Variants in ANTXR1 observed in about 807,000 individuals in gnomAD.
ANTXR1 encodes the protein ANTXR cell adhesion molecule 1, also known as anthrax toxin receptor 1.
In ANTXR1, 19 loss-of-function variants were observed where a neutral mutation model predicts 78.1. The ratio of observed to expected loss-of-function variants is 0.24; its 90% CI spans 0.17 to 0.36. The LOEUF (loss-of-function observed/expected upper bound fraction) is 0.36, where lower values mean the gene tolerates loss of function less well. Ranked by LOEUF, ANTXR1 falls within the 10% of genes least tolerant of loss-of-function variation. ANTXR1 has a pLI of 1.00. For missense variants in ANTXR1, 518 were observed against 718.6 expected (o/e 0.72, Z 3.19); for synonymous variants, 273 against 260.5 (o/e 1.05, Z -0.46).
chr2:69,161,638 A>T lies in ANTXR1; in HGVS notation c.1048-8610A>T, dbSNP rs567249474. 3.9e-5 allele frequency among the ~76,000 whole-genome samples: 6 copies of T among 152,330 alleles called. No homozygotes were observed. The South Asian group carries it at 8.3e-4, about 21-fold the overall frequency. Reference sequence around the variant, plus strand: ...ATCTCATCTCTCCTGGATGTTTTCCATATCAAGTTGCCTACTTTCCCTTGA... The same window carrying T: ...ATCTCATCTCTCCTGGATGTTTTCCTTATCAAGTTGCCTACTTTCCCTTGA... On this transcript the variant is annotated intron_variant, in intron 13 of 17. Coordinates refer to ENST00000303714, the MANE Select transcript of ANTXR1 (RefSeq NM_032208.3).
At chr2:69,082,703 C>G (rs932426101) in intron 8 of ANTXR1, among the ~76,000 whole-genome samples, 1 of 151,950 alleles carries the variant, frequency 6.6e-6, no homozygotes, top group Non-Finnish European at 1.5e-5. Flanking sequence ...GCTCCTCCTC[C>G]CAGCTATCCC....
In ANTXR1 at chr2:69,027,189, G is replaced by T. The variant is rs575572530; in HGVS notation, c.153-12855G>T. Among the ~76,000 whole-genome samples, 5 of 152,272 alleles carry T rather than the reference G, an allele frequency of 3.3e-5. No individual in the cohort carries two copies. The East Asian group carries it at 5.8e-4, about 18-fold the overall frequency. ...ATGCAGTGGCAGCTGCTCTGTGGGG[G>T]TCAAAGGGGAAACCAAGCCACAAGA... On this transcript the variant is annotated intron_variant, in intron 1 of 17. Transcript: ENST00000303714.
At chr2:69,014,112 T>C (rs114951884) in intron 1 of ANTXR1, among the ~76,000 whole-genome samples, 2,131 of 152,320 alleles carry the variant, frequency 0.014, 53 homozygotes, top group African/African-American at 0.049. Flanking sequence ...TTTGAAACGC[T>C]GTCCCACGGA....
chr2:69,029,877 T>A (rs1671476049), intron 1 of ANTXR1, among the ~76,000 whole-genome samples: 1 of 152,124 alleles, frequency 6.6e-6, no homozygotes, highest in African/African-American at 2.4e-5. Flanking sequence ...AGGCCATCAG[T>A]GAGACTTTGT....
At chr2:69,154,440 G>A (rs1488668335) in intron 13 of ANTXR1, among the ~76,000 whole-genome samples, 2 of 152,280 alleles carry the variant, frequency 1.3e-5, no homozygotes, top group Non-Finnish European at 1.5e-5. Flanking sequence ...ATGCTCCAGA[G>A]CAGGGCAGAT....
At chr2:69,162,225 G>C (rs1673700278) in intron 13 of ANTXR1, among the ~76,000 whole-genome samples, 1 of 152,184 alleles carries the variant, frequency 6.6e-6, no homozygotes, top group Admixed American at 6.5e-5. Flanking sequence ...GTGGCTTCCT[G>C]CCTGAGATTT....
chr2:69,110,692 C>T (rs975632636), intron 10 of ANTXR1, among the ~76,000 whole-genome samples: 1 of 152,088 alleles, frequency 6.6e-6, no homozygotes, highest in Non-Finnish European at 1.5e-5. Context: ...AACCCCGTCT[C>T]CACTAAAAAT....
chr2:69,143,605 T>C (rs1479529521), intron 12 of ANTXR1, among the ~76,000 whole-genome samples: 3 of 151,926 alleles, frequency 2.0e-5, no homozygotes, highest in African/African-American at 7.3e-5. Flanking sequence ...TGGGAGGAAA[T>C]GAGACAACCC....
chr2:69,193,215 C>G (rs1674581257), intron 16 of ANTXR1, 120 bp from the exon 17 acceptor site: 2 of 805,828 alleles, frequency 2.5e-6, no homozygotes, highest in Non-Finnish European at 4.4e-6. Context: ...CCATCATGAC[C>G]ATATTGACAG....
intron 12 of ANTXR1, among the ~76,000 whole-genome samples, chr2:69,133,751 T>C (rs1052196318): frequency 6.6e-6 from 1 of 152,184 alleles, no homozygotes; most frequent in African/African-American, 2.4e-5. Context: ...CAGAGCCTCA[T>C]ACTCAGCCCT....
chr2:69,159,875 C>CA (rs1334723137), intron 13 of ANTXR1, among the ~76,000 whole-genome samples: 1 of 152,066 alleles, frequency 6.6e-6, no homozygotes, highest in Non-Finnish European at 1.5e-5. Flanking sequence ...TTGCAAAGGG[C>CA]AAAAATTAAT....
intron 3 of ANTXR1, among the ~76,000 whole-genome samples, chr2:69,062,407 C>T (rs1670272392): frequency 6.6e-6 from 1 of 152,172 alleles, no homozygotes; most frequent in Non-Finnish European, 1.5e-5. Context: ...TCTGAAGCTG[C>T]ACCTAGCCAT....
chr2:69,141,859 G>C (rs945297060), intron 12 of ANTXR1, among the ~76,000 whole-genome samples: 2 of 152,256 alleles, frequency 1.3e-5, no homozygotes, highest in Non-Finnish European at 2.9e-5. Context: ...CATGAAGTTT[G>C]TTTTCTCTCA....
At chr2:69,137,958 C>G (rs1409458330) in intron 12 of ANTXR1, among the ~76,000 whole-genome samples, 1 of 151,610 alleles carries the variant, frequency 6.6e-6, no homozygotes, top group East Asian at 1.9e-4. Context: ...GTAGCGGACA[C>G]CTGTAATCTC....
chr2:69,170,142 C>T, intron 13 of ANTXR1, 106 bp from the exon 14 acceptor site: 2 of 1,267,432 alleles, frequency 1.6e-6, no homozygotes, highest in Non-Finnish European at 2.3e-6. Flanking sequence ...GGGGCCATTG[C>T]CATGGTAATT....
chr2:69,023,749 A>T (rs1229000101), intron 1 of ANTXR1, among the ~76,000 whole-genome samples: 1 of 152,216 alleles, frequency 6.6e-6, no homozygotes, highest in Non-Finnish European at 1.5e-5. Flanking sequence ...TGTAGAAGAC[A>T]TGGGGAAACA....
At chr2:69,044,678 G>A in intron 2 of ANTXR1, 64 bp from the exon 3 acceptor site, 1 of 1,534,162 alleles carries the variant, frequency 6.5e-7, no homozygotes. Flanking sequence ...CAGGGAGGGA[G>A]CCTGAAGGGA....
At chr2:69,064,239 C>T (rs1670326091) in intron 3 of ANTXR1, among the ~76,000 whole-genome samples, 1 of 152,140 alleles carries the variant, frequency 6.6e-6, no homozygotes, top group Non-Finnish European at 1.5e-5. Context: ...CTGATTTCAC[C>T]TGGACTTATT....
chr2:69,226,944 A>G (rs1675470723), intron 17 of ANTXR1, among the ~76,000 whole-genome samples: 2 of 152,106 alleles, frequency 1.3e-5, no homozygotes, highest in South Asian at 4.2e-4. Context: ...GCCTGGGGAG[A>G]AGTATCACAG....
Sources: gnomAD v4.1 joint callset for allele counts (sites outside exome capture counted in the v4.1 genomes callset) on GRCh38, gnomAD v4.1.1 for gene constraint, MANE v1.5 for transcripts, NCBI Gene and HGNC (gene_info 2026-07-23, HGNC 2026-07-21) for gene names.